ELAVL4: variants seen among roughly 807,000 people sequenced by gnomAD.
ELAVL4 encodes the protein ELAV-like protein 4.
In ELAVL4, 1 loss-of-function variant was observed where a neutral mutation model predicts 35.6. That is an observed-to-expected ratio of 0.03 (90% confidence interval 0.01 to 0.13). The LOEUF (loss-of-function observed/expected upper bound fraction) is 0.13, where lower values mean the gene tolerates loss of function less well. Ranked by LOEUF, ELAVL4 falls within the 10% of genes least tolerant of loss-of-function variation. The pLI is 1.00. For missense variants in ELAVL4, 267 were observed against 464.9 expected (o/e 0.57, Z 3.91); for synonymous variants, 156 against 171.0 (o/e 0.91, Z 0.69).
intron 2 of ELAVL4, among the ~76,000 whole-genome samples, chr1:50,155,068 A>C (rs1233446933): frequency 6.6e-6 from 1 of 151,774 alleles, no homozygotes; most frequent in African/African-American, 2.4e-5. Context: ...ACATGTGCAC[A>C]ATATGCAGGT....
intron 3 of ELAVL4, among the ~76,000 whole-genome samples, chr1:50,191,612 T>G (rs1240900063): frequency 6.6e-6 from 1 of 152,052 alleles, no homozygotes; most frequent in Non-Finnish European, 1.5e-5. Flanking sequence ...ATCATCAGCC[T>G]AGATGGAGAG....
chr1:50,190,097 G>T (rs1486309438), intron 3 of ELAVL4, among the ~76,000 whole-genome samples: 1 of 152,160 alleles, frequency 6.6e-6, no homozygotes, highest in Non-Finnish European at 1.5e-5. Context: ...TTCACTCCCA[G>T]CCCTTTCTGA....
At chr1:50,127,868 T>C (rs559131579) in intron 1 of ELAVL4, among the ~76,000 whole-genome samples, 1 of 152,312 alleles carries the variant, frequency 6.6e-6, no homozygotes, top group East Asian at 1.9e-4. Flanking sequence ...AATGTTTGAA[T>C]TGATGTTAAT....
chr1:50,067,879 G>C (rs576929556), intron 1 of ELAVL4, among the ~76,000 whole-genome samples: 1 of 152,222 alleles, frequency 6.6e-6, no homozygotes, highest in Admixed American at 6.5e-5. Context: ...CCAAGCAAAA[G>C]GTGGAAAAGC....
At chr1:50,160,662 T>G (rs1469726761) in intron 2 of ELAVL4, among the ~76,000 whole-genome samples, 1 of 152,200 alleles carries the variant, frequency 6.6e-6, no homozygotes, top group East Asian at 1.9e-4. Context: ...GTTTTCAAAG[T>G]CCTTCAGCTA....
chr1:50,162,471 G>C (rs751740182), intron 2 of ELAVL4, among the ~76,000 whole-genome samples: 1 of 152,168 alleles, frequency 6.6e-6, no homozygotes, highest in South Asian at 2.1e-4. Flanking sequence ...TATGCCACAT[G>C]ATGAGTACAA....
chr1:50,185,511 A>G (rs867146325), intron 3 of ELAVL4, among the ~76,000 whole-genome samples: 7 of 152,342 alleles, frequency 4.6e-5, no homozygotes, highest in Middle Eastern at 3.4e-3. Context: ...ATCCCAGAAC[A>G]TGGAATTATA....
chr1:50,185,607 A>G (rs991032517), intron 3 of ELAVL4, among the ~76,000 whole-genome samples: 2 of 152,188 alleles, frequency 1.3e-5, no homozygotes, highest in Non-Finnish European at 2.9e-5. Flanking sequence ...GGAAAATGGA[A>G]CTAATGATAT....
intron 3 of ELAVL4, among the ~76,000 whole-genome samples, chr1:50,191,066 A>G (rs1387315816): frequency 6.6e-6 from 1 of 152,176 alleles, no homozygotes; most frequent in Non-Finnish European, 1.5e-5. Context: ...ATCTTGTGGC[A>G]CTGTGATAAT....
intron 1 of ELAVL4, among the ~76,000 whole-genome samples, chr1:50,116,413 CGTGT>C (rs753845198): frequency 3.7e-3 from 528 of 143,354 alleles, no homozygotes; most frequent in Non-Finnish European, 5.1e-3. Flanking sequence ...TGTGTGTGTG[CGTGT>C]GTGTGTGTGT....
At chr1:50,169,736 T>A (rs141304067) in intron 2 of ELAVL4, among the ~76,000 whole-genome samples, 40 of 152,342 alleles carry the variant, frequency 2.6e-4, no homozygotes, top group African/African-American at 7.9e-4. Flanking sequence ...CTCTGCTTTA[T>A]CTTCAAAGCC....
rs1047332971 is a variant in ELAVL4, at chr1:50,197,444, T to A, written c.750T>A (p.Leu250=). ...QAQRFRLDNL[L]NMAYGVKRFS... is the part of the protein sequence containing the mutation. The stretch of plus-strand genomic sequence containing the variant: ...CTCTTTGCAGGCTGGACAATTTGCT[T>A]AATATGGCCTATGGCGTAAAGAGGT... Residue 250 remains leucine, a synonymous_variant, in exon 6 of 7, where the codon CTT becomes CTA. Transcript: ENST00000371824. 6.3e-7 allele frequency: 1 copy of A among 1,595,752 alleles called. No individual in the cohort carries two copies.
upstream of ELAVL4, chr1:50,108,899 G>T: frequency 9.3e-7 from 1 of 1,076,600 alleles, no homozygotes; most frequent in Non-Finnish European, 1.1e-6. Context: ...CCCATAAATG[G>T]ATGTAAAAAG....
intron 1 of ELAVL4, among the ~76,000 whole-genome samples, chr1:50,062,493 C>A (rs1316697711): frequency 6.6e-6 from 1 of 152,116 alleles, no homozygotes; most frequent in East Asian, 1.9e-4. Context: ...ATACCACACC[C>A]ACCTTAATTG....
At chr1:50,106,966 C>T (rs1311928755), upstream of ELAVL4, among the ~76,000 whole-genome samples, 1 of 152,090 alleles carries the variant, frequency 6.6e-6, no homozygotes, top group Non-Finnish European at 1.5e-5. Flanking sequence ...AAATTTTTAT[C>T]TTTTATAACC....
chr1:50,060,653 A>G (rs956347559), intron 1 of ELAVL4, among the ~76,000 whole-genome samples: 4 of 152,220 alleles, frequency 2.6e-5, no homozygotes, highest in Non-Finnish European at 5.9e-5. Context: ...TGCCACCAGT[A>G]TGATCCTACT....
chr1:50,075,446 T>C (rs1312285539), intron 1 of ELAVL4, among the ~76,000 whole-genome samples: 1 of 152,216 alleles, frequency 6.6e-6, no homozygotes, highest in Non-Finnish European at 1.5e-5. Flanking sequence ...TATTTTTAAA[T>C]GCTCTGTCCT....
intron 1 of ELAVL4, among the ~76,000 whole-genome samples, chr1:50,094,520 A>G (rs1293272397): frequency 6.6e-6 from 1 of 152,124 alleles, no homozygotes; most frequent in African/African-American, 2.4e-5. Context: ...TACCAGCTTT[A>G]TTTTCCCAGC....
intron 1 of ELAVL4, among the ~76,000 whole-genome samples, chr1:50,095,438 G>C (rs1308233443): frequency 1.3e-5 from 2 of 152,020 alleles, no homozygotes; most frequent in African/African-American, 4.8e-5. Flanking sequence ...GAAAAAAAAG[G>C]TTGAAAATAA....
Sources: allele counts gnomAD v4.1 joint callset (sites outside exome capture counted in the v4.1 genomes callset), GRCh38; gene constraint gnomAD v4.1.1; transcripts MANE v1.5; gene names NCBI Gene and HGNC (gene_info 2026-07-23, HGNC 2026-07-21).